The following MIB2 variants were observed in gnomAD, a reference collection of about 807,000 sequenced individuals.
MIB2 encodes E3 ubiquitin-protein ligase MIB2.
In MIB2, 78 loss-of-function variants were observed where a neutral mutation model predicts 96.6. The observed-to-expected ratio is 0.81, with a 90% CI of 0.67 to 0.97. The LOEUF (loss-of-function observed/expected upper bound fraction) is 0.97, where lower values mean the gene tolerates loss of function less well. Among genes scored for constraint, MIB2 ranks in the 50% least tolerant of loss-of-function variants. The pLI, the probability that MIB2 is intolerant of heterozygous loss-of-function variation, is 0.00. For missense variants in MIB2, 1,543 were observed against 1,424.0 expected (o/e 1.08, Z -1.35); for synonymous variants, 820 against 629.5 (o/e 1.30, Z -4.53).
chr1:1,627,905 T>C (rs569532319), intron 13 of MIB2, 76 bp downstream of exon 13: 4 of 1,592,634 alleles, frequency 2.5e-6, no homozygotes, highest in Admixed American at 1.7e-5. Context: ...TCTGCCCATG[T>C]GTGCTGCTCC....
In MIB2 at chr1:1,626,981, CG is replaced by C; in HGVS notation, c.1223del (p.Arg408ProfsTer9). On this transcript the variant is annotated frameshift_variant, in exon 10 of 20. Coordinates refer to ENST00000355826, the MANE Select transcript of MIB2 (RefSeq NM_001170687.4). LOFTEE classifies it high-confidence loss of function. This position sits in a 1 kb window ranked among gnomAD's most constrained non-coding sequence, Gnocchi z 5.3. ...EEDANLDVAE[R>X]ARENKSSLSV... is the part of the protein sequence containing the mutation. Reference sequence around the variant, plus strand: ...GGATGCCAACCTGGACGTGGCCGAGCGCGCCCGGGAGAACAAAAGTGCGGCA... The same window carrying C: ...GGATGCCAACCTGGACGTGGCCGAGCCGCCCGGGAGAACAAAAGTGCGGCA... 6.2e-7 allele frequency: 1 copy of C among 1,611,248 alleles called. No homozygotes were observed. The highest frequency in any genetic ancestry group is 8.5e-7 in the Non-Finnish European group (1 of 1,179,338).
upstream of MIB2, chr1:1,614,481 C>T (rs1643425336): frequency 6.6e-6 from 1 of 152,250 alleles, no homozygotes; most frequent in African/African-American, 2.4e-5. Context: ...CTTTTGTGAG[C>T]TCATCTGTAT....
intron 2 of MIB2, chr1:1,617,019 T>C (rs1355314789): frequency 7.1e-5 from 15 of 210,376 alleles, no homozygotes; most frequent in Admixed American, 2.6e-4. Context: ...CCTGTAGGTC[T>C]CCACCCAGAT....
chr1:1,614,353 G>C (rs1405325525), upstream of MIB2: 1 of 152,278 alleles, frequency 6.6e-6, no homozygotes, highest in Non-Finnish European at 1.5e-5. Flanking sequence ...CAGGACTGCA[G>C]TATTCTAGAT....
At chr1:1,624,520 C>G (rs1347875323) in intron 4 of MIB2, among the ~76,000 whole-genome samples, 2 of 152,214 alleles carry the variant, frequency 1.3e-5, no homozygotes, top group Non-Finnish European at 2.9e-5. Context: ...CGAGGGTGGG[C>G]CCGGGTGCCT....
chr1:1,623,400 C>T, intron 2 of MIB2, 31 bp from the exon 3 acceptor site: 1 of 1,599,514 alleles, frequency 6.3e-7, no homozygotes. Context: ...TCCCGAGCAG[C>T]CCGGCCCACC....
rs1312255641 is a variant in MIB2 at position 1,615,504 on chromosome 1, T to C, written c.-259T>C. 2 of 1,527,934 alleles carry C rather than the reference T, an allele frequency of 1.3e-6. No individual in the cohort carries two copies. The highest frequency in any genetic ancestry group is 2.5e-5 in the East Asian group (1 of 40,012). The allele number at this position is 1,527,934 out of a possible 1,614,324, so 94.6% of individuals were successfully genotyped here. A position where few individuals can be genotyped will look rare whatever the true frequency, so the allele number is the denominator to read the frequency against. On this transcript the variant is annotated 5_prime_UTR_variant, in exon 1 of 20. Transcript: ENST00000355826. ...GGGGGCGGGCCCTGGGCTCCCGCCC[T>C]TCGGGTCCCACAGTTTCCAGCCGCC...
chr1:1,624,268 G>A, intron 4 of MIB2: 1 of 446,230 alleles, frequency 2.2e-6, no homozygotes, highest in Non-Finnish European at 4.0e-6. Context: ...TCAGCTCGGG[G>A]AGAATCTAGC....
chr1:1,616,110 G>A, intron 1 of MIB2: 7 of 984,036 alleles, frequency 7.1e-6, no homozygotes, highest in Non-Finnish European at 8.4e-6. Flanking sequence ...GGTACTGCGC[G>A]GCCCTGGCAA....
chr1:1,627,149 A>T lies in MIB2; in HGVS notation c.1316A>T (p.Glu439Val), dbSNP rs759403517. ...DPEHPGRLVVEVALGNAARAL... is the reference protein window; with the variant it reads ...DPEHPGRLVVVVALGNAARAL... ...GAGCACCCGGGAAGGCTGGTGGTGG[A>T]GGTGGCGCTGGGTAACGCAGCCCGG... Residue 439 changes from glutamate to valine, a missense_variant, in exon 11 of 20, where the codon GAG (glutamate) becomes GTG (valine). Coordinates refer to ENST00000355826, the MANE Select transcript of MIB2 (RefSeq NM_001170687.4). 1.3e-6 allele frequency: 2 copies of T among 1,593,232 alleles called. No individual in the cohort carries two copies. The highest frequency in any genetic ancestry group is 1.7e-6 in the Non-Finnish European group (2 of 1,170,378).
At chr1:1,615,151 C>G, upstream of MIB2, 1 of 402,130 alleles carries the variant, frequency 2.5e-6, no homozygotes, top group Non-Finnish European at 4.4e-6. Flanking sequence ...GGAGGACGGG[C>G]CCGGACTGCC....
chr1:1,629,027 A>G (rs913993223), intron 16 of MIB2, 106 bp from the exon 17 acceptor site: 34 of 1,237,752 alleles, frequency 2.7e-5, no homozygotes, highest in Non-Finnish European at 3.4e-5. Context: ...CTTGCCTTGT[A>G]TTTTAGACAT....
Position 1,623,889 on chromosome 1 carries a change from C to G in MIB2, c.363C>G (p.His121Gln). The change falls in exon 4 of 20, where the codon CAC becomes CAG. Residue 121 changes from histidine to glutamine, a missense_variant. Transcript: ENST00000355826. ...ACCTCTGCACGCAGTGCTACATGCA[C>G]AACAAGCATGAGCTCGCCCACGCCT... ...DYDLCTQCYM[H>Q]NKHELAHAFD... 6.2e-7 allele frequency: 1 copy of G among 1,612,164 alleles called. No homozygotes were observed. Among genetic ancestry groups the G allele is most frequent in the South Asian group, 1.1e-5 (1 of 91,032 alleles).
Position 1,623,910 on chromosome 1 carries a change from C to T in MIB2, c.384C>T (p.His128=), listed in dbSNP as rs752851379. Reference sequence around the variant, plus strand: ...TGCACAACAAGCATGAGCTCGCCCACGCCTTCGACCGCTACGAGACCGCTC... The same window carrying T: ...TGCACAACAAGCATGAGCTCGCCCATGCCTTCGACCGCTACGAGACCGCTC... ...CYMHNKHELA[H]AFDRYETAHS... Residue 128 remains histidine, a synonymous_variant, in exon 4 of 20, where the codon CAC becomes CAT. Transcript: ENST00000355826. 13 of 1,611,704 alleles carry T rather than the reference C, an allele frequency of 8.1e-6. No homozygotes were observed. Among genetic ancestry groups the T allele is most frequent in the Admixed American group, 3.3e-5 (2 of 59,926 alleles).
Position 1,623,955 on chromosome 1 carries a change from G to T in MIB2, c.419+10G>T. The T allele has an allele frequency of 6.3e-7, 1 of 1,596,606 alleles. No individual in the cohort carries two copies. The highest frequency in any genetic ancestry group is 8.6e-7 in the Non-Finnish European group (1 of 1,168,534). ...CCGCTCACTCGCGCCCGTGAGTCCCGGGCCGCACCGGCTCCTGTGCGGCGG... is the reference window on the plus strand; with the variant it reads ...CCGCTCACTCGCGCCCGTGAGTCCCTGGCCGCACCGGCTCCTGTGCGGCGG... On this transcript the variant is annotated intron_variant, in intron 4 of 19. Coordinates refer to ENST00000355826, the MANE Select transcript of MIB2 (RefSeq NM_001170687.4).
chr1:1,623,246 C>T, intron 2 of MIB2, 185 bp from the exon 3 acceptor site: 6 of 1,035,432 alleles, frequency 5.8e-6, no homozygotes, highest in Non-Finnish European at 2.7e-6. Flanking sequence ...TCCCACCGGC[C>T]TCCCTGGTGC....
intron 1 of MIB2, chr1:1,616,221 C>A (rs1442128902): frequency 8.7e-6 from 5 of 572,926 alleles, no homozygotes; most frequent in African/African-American, 8.0e-5. Context: ...GTGCCCGCCC[C>A]TGGCCCGCCC....
chr1:1,628,681 G>A lies in MIB2; in HGVS notation c.2161G>A (p.Gly721Arg), dbSNP rs769418905. 4 of 1,572,424 alleles carry A rather than the reference G, an allele frequency of 2.5e-6. No individual in the cohort carries two copies. The highest frequency in any genetic ancestry group is 4.6e-5 in the East Asian group (2 of 43,072). The change falls in exon 16 of 20, where the codon GGG (glycine) becomes AGG (arginine). Residue 721 changes from glycine (G) to arginine (R), a missense_variant. Transcript: ENST00000355826. ...TCAGCTGCTGCCCCTGGTGGCTGAT[G>A]GGGCCGGGGGGGACCCAGGGCCCTT... ...RHQLLPLVADGAGGDPGPLQL... is the reference protein window; with the variant it reads ...RHQLLPLVADRAGGDPGPLQL...
At chr1:1,623,409 C>T in intron 2 of MIB2, 22 bp from the exon 3 acceptor site, 7 of 1,600,946 alleles carry the variant, frequency 4.4e-6, no homozygotes, top group Non-Finnish European at 6.0e-6. Context: ...GCCCGGCCCA[C>T]CATGGACCCC....
Sources: allele counts gnomAD v4.1 joint callset (sites outside exome capture counted in the v4.1 genomes callset), GRCh38; gene constraint gnomAD v4.1.1; non-coding constraint Gnocchi (gnomAD v3.1); transcripts MANE v1.5; gene names NCBI Gene and HGNC (gene_info 2026-07-23, HGNC 2026-07-21).